Variants in AP1S3 observed in about 807,000 individuals in gnomAD.
AP1S3 encodes adaptor related protein complex 1 subunit sigma 3, also known as AP-1 complex subunit sigma-3.
In AP1S3, 10 loss-of-function variants were observed where a neutral mutation model predicts 20.9. The observed-to-expected ratio is 0.48, with a 90% CI of 0.29 to 0.81. AP1S3 has a LOEUF of 0.81. AP1S3 is among the 30% of genes least tolerant of loss of function. The pLI is 0.08. For missense variants in AP1S3, 154 were observed against 183.8 expected (o/e 0.84, Z 0.94); for synonymous variants, 41 against 61.5 (o/e 0.67, Z 1.56).
chr2:223,780,335 AGAGAGAGAGAGAGAGAGAGAGAGTGTGT>A lies in AP1S3; in HGVS notation c.4-2494_4-2467del, dbSNP rs1453780846. Among the ~76,000 whole-genome samples, 248 of 125,688 alleles carry A rather than the reference AGAGAGAGAGAGAGAGAGAGAGAGTGTGT, an allele frequency of 2.0e-3. 2 individuals carry two copies. Among genetic ancestry groups the A allele is most frequent in the African/African-American group, 7.5e-3 (231 of 30,634 alleles). 82.5% of individuals were successfully genotyped at this position (125,688 alleles called of 152,430 possible). A position where few individuals can be genotyped will look rare whatever the true frequency, so the allele number is the denominator to read the frequency against. The stretch of plus-strand genomic sequence containing the variant: ...GAGAGAGAGAGAGAGAGAGAGAGAG[AGAGAGAGAGAGAGAGAGAGAGAGTGTGT>A]GTGTGTGTGTGTGTGTGTGTGTGTG... On this transcript the variant is annotated intron_variant, in intron 1 of 4. Coordinates refer to ENST00000396654, the MANE Select transcript of AP1S3 (RefSeq NM_001039569.2).
intron 1 of AP1S3, among the ~76,000 whole-genome samples, chr2:223,798,428 GA>G (rs968367849): frequency 6.6e-6 from 1 of 151,998 alleles, no homozygotes; most frequent in Non-Finnish European, 1.5e-5. Context: ...ACAATAAGGG[GA>G]AAAAAATGGA....
intron 1 of AP1S3, among the ~76,000 whole-genome samples, chr2:223,786,492 G>A (rs779032411): frequency 3.3e-5 from 5 of 152,004 alleles, no homozygotes; most frequent in Non-Finnish European, 5.9e-5. Context: ...GGTGACTCCT[G>A]CATGTAACCC....
intron 1 of AP1S3, among the ~76,000 whole-genome samples, chr2:223,787,244 T>C (rs1263618946): frequency 6.6e-6 from 1 of 152,210 alleles, no homozygotes; most frequent in African/African-American, 2.4e-5. Flanking sequence ...CACTATGCTT[T>C]CTATACAGCC....
chr2:223,759,295 AAGAGAG>A (rs1186604803), intron 4 of AP1S3, among the ~76,000 whole-genome samples: 3 of 150,108 alleles, frequency 2.0e-5, no homozygotes, highest in Admixed American at 6.7e-5. Context: ...AAAAAAAAAA[AAGAGAG>A]AGAGAGAGAG....
intron 1 of AP1S3, among the ~76,000 whole-genome samples, chr2:223,803,854 T>C (rs1376881934): frequency 8.3e-5 from 12 of 144,270 alleles, no homozygotes; most frequent in African/African-American, 3.1e-4. Flanking sequence ...CACTCCAGCC[T>C]GGGTGACAGA....
chr2:223,807,196 G>C (rs1230187023), intron 1 of AP1S3, among the ~76,000 whole-genome samples: 1 of 152,198 alleles, frequency 6.6e-6, no homozygotes, highest in Non-Finnish European at 1.5e-5. Context: ...GAGCCTGGGA[G>C]ATAGAGGTTG....
intron 4 of AP1S3, among the ~76,000 whole-genome samples, chr2:223,763,383 G>A (rs910409255): frequency 1.3e-5 from 2 of 152,156 alleles, no homozygotes; most frequent in Non-Finnish European, 2.9e-5. Context: ...ACCCAGGTGT[G>A]TCTTGGCCCC....
Position 223,783,174 on chromosome 2 carries a change from A to AG in AP1S3, c.4-5306dup, listed in dbSNP as rs571278251. Among the ~76,000 whole-genome samples the AG allele has an allele frequency of 4.1e-4, 62 of 152,274 alleles. No homozygotes were observed. In the South Asian group the frequency reaches 0.012, roughly 31 times the overall value. ...CTTTCAATAATATTGTTGGGACAAA[A>AG]GGAACAATGGAGGGACTCTCCCAGG... On this transcript the variant is annotated intron_variant, in intron 1 of 4. Transcript: ENST00000396654.
At chr2:223,774,209 A>G (rs1244553825) in intron 3 of AP1S3, among the ~76,000 whole-genome samples, 1 of 152,172 alleles carries the variant, frequency 6.6e-6, no homozygotes, top group African/African-American at 2.4e-5. Flanking sequence ...TAATAAAAAT[A>G]TAAAAATGAG....
chr2:223,756,538 G>T lies in AP1S3; in HGVS notation c.*2177C>A. 2.0e-6 allele frequency: 2 copies of T among 985,220 alleles called. No homozygotes were observed. Among genetic ancestry groups the T allele is most frequent in the Non-Finnish European group, 2.4e-6 (2 of 829,866 alleles). 61.0% of individuals were successfully genotyped at this position (985,220 alleles called of 1,614,324 possible). A position where few individuals can be genotyped will look rare whatever the true frequency, so the allele number is the denominator to read the frequency against. On this transcript the variant is annotated 3_prime_UTR_variant, in exon 5 of 5. Transcript: ENST00000396654. ...AAAAAGTTAAACCACAAAACTGAAG[G>T]TTAGCTAAAGTAAACACAGTGGTCA... is the stretch of plus-strand genomic sequence containing the variant.
intron 4 of AP1S3, among the ~76,000 whole-genome samples, chr2:223,759,495 A>G (rs1690301739): frequency 6.6e-6 from 1 of 152,202 alleles, no homozygotes; most frequent in Admixed American, 6.5e-5. Context: ...TTGTCAAGAC[A>G]AAAAAGATAA....
At chr2:223,825,218 T>C (rs992325510) in intron 1 of AP1S3, among the ~76,000 whole-genome samples, 6 of 151,288 alleles carry the variant, frequency 4.0e-5, no homozygotes, top group Non-Finnish European at 7.4e-5. Flanking sequence ...GAGGCTGAGA[T>C]AGGAGAATGG....
intron 3 of AP1S3, among the ~76,000 whole-genome samples, chr2:223,774,696 A>T (rs1287457266): frequency 1.3e-5 from 2 of 152,232 alleles, no homozygotes; most frequent in Non-Finnish European, 2.9e-5. Context: ...GAAGGAAATG[A>T]ATGTCAGCCC....
intron 1 of AP1S3, among the ~76,000 whole-genome samples, chr2:223,805,312 G>A (rs1691553891): frequency 1.3e-5 from 2 of 152,058 alleles, no homozygotes; most frequent in African/African-American, 2.4e-5. Flanking sequence ...GCATGGTAGC[G>A]GGCACCTGTA....
intron 1 of AP1S3, among the ~76,000 whole-genome samples, chr2:223,778,879 A>T (rs1196052368): frequency 6.6e-6 from 1 of 152,088 alleles, no homozygotes; most frequent in African/African-American, 2.4e-5. Context: ...CTGTGTTTTT[A>T]GTAAAGACAG....
chr2:223,758,435 C>T lies in AP1S3; in HGVS notation c.*280G>A. The T allele has an allele frequency of 1.8e-6, 2 of 1,134,502 alleles. No homozygotes were observed. Among genetic ancestry groups the T allele is most frequent in the Non-Finnish European group, 1.1e-6 (1 of 927,238 alleles). The allele number at this position is 1,134,502 out of a possible 1,614,324, so 70.3% of individuals were successfully genotyped here. A position where few individuals can be genotyped will look rare whatever the true frequency, so the allele number is the denominator to read the frequency against. On this transcript the variant is annotated 3_prime_UTR_variant, in exon 5 of 5. Transcript: ENST00000396654. ...TTAAAAACATAACATGGAGTTAATA[C>T]ATTACAAATATTGTCTGTTGGGTTA... is the stretch of plus-strand genomic sequence containing the variant.
At chr2:223,823,334 TCAAC>T (rs1559146174) in intron 1 of AP1S3, among the ~76,000 whole-genome samples, 1 of 152,206 alleles carries the variant, frequency 6.6e-6, no homozygotes, top group Non-Finnish European at 1.5e-5. Flanking sequence ...AGCTATAGAA[TCAAC>T]CTAAATGTCC....
chr2:223,806,851 T>G (rs1691594544), intron 1 of AP1S3, among the ~76,000 whole-genome samples: 1 of 152,160 alleles, frequency 6.6e-6, no homozygotes, highest in Admixed American at 6.5e-5. Flanking sequence ...AACATTGCAA[T>G]GGCTCTCCCA....
intron 3 of AP1S3, among the ~76,000 whole-genome samples, chr2:223,772,888 T>C (rs924703478): frequency 1.3e-5 from 2 of 152,222 alleles, no homozygotes; most frequent in Non-Finnish European, 2.9e-5. Flanking sequence ...TGGAAGTCTT[T>C]GCTCATCACT....
Sources: gnomAD v4.1 joint callset for allele counts (sites outside exome capture counted in the v4.1 genomes callset) on GRCh38, gnomAD v4.1.1 for gene constraint, MANE v1.5 for transcripts, NCBI Gene and HGNC (gene_info 2026-07-23, HGNC 2026-07-21) for gene names.